TUBD1: variants seen among roughly 807,000 people sequenced by gnomAD.
The protein encoded by TUBD1 is tubulin delta chain.
In TUBD1, 38 loss-of-function variants were observed where a neutral mutation model predicts 51.2. The ratio of observed to expected loss-of-function variants is 0.74; its 90% CI spans 0.57 to 0.97. The LOEUF is 0.97. Among genes scored for constraint, TUBD1 ranks in the 50% least tolerant of loss-of-function variants. The pLI is 0.00. For synonymous variants in TUBD1, 169 were observed against 178.2 expected (o/e 0.95, Z 0.41); for missense variants, 489 against 538.4 (o/e 0.91, Z 0.91).
intron 6 of TUBD1, among the ~76,000 whole-genome samples, chr17:59,873,488 C>T (rs1321174279): frequency 3.3e-5 from 5 of 152,072 alleles, no homozygotes; most frequent in South Asian, 2.1e-4. Context: ...TGGGCTCAAG[C>T]GCTTCTCCTG....
At position 59,874,407 on chromosome 17, in the gene TUBD1, A is replaced by G. The variant is rs2040133958; in HGVS notation, c.934+132T>C. 6.6e-6 allele frequency: 5 copies of G among 760,184 alleles called. No individual in the cohort carries two copies. In the Admixed American group the frequency reaches 8.3e-5, roughly 13 times the overall value. 47.1% of individuals were successfully genotyped at this position (760,184 alleles called of 1,614,324 possible). ...GAAACCCTCCTAAGATGTCCTGGTG[A>G]GTTTCTGCCGGAGTCTCTCTAGCCA... On this transcript the variant is annotated intron_variant, in intron 6 of 8. Transcript: ENST00000325752.
chr17:59,879,113 C>T (rs2040362715), intron 4 of TUBD1, among the ~76,000 whole-genome samples: 1 of 151,940 alleles, frequency 6.6e-6, no homozygotes, highest in African/African-American at 2.4e-5. Flanking sequence ...CCCACCTCTA[C>T]TAAAAATACA....
At chr17:59,889,418 G>A (rs2040883925) in intron 2 of TUBD1, among the ~76,000 whole-genome samples, 1 of 151,360 alleles carries the variant, frequency 6.6e-6, no homozygotes, top group Non-Finnish European at 1.5e-5. Context: ...TGTAATCCCA[G>A]CACTTTGGGA....
At chr17:59,864,305 C>CT (rs1288500212) in intron 7 of TUBD1, among the ~76,000 whole-genome samples, 1 of 151,282 alleles carries the variant, frequency 6.6e-6, no homozygotes, top group Non-Finnish European at 1.5e-5. Context: ...GCCACCATGC[C>CT]TGCCTAATTG....
chr17:59,885,824 G>T (rs1188524691), intron 3 of TUBD1, among the ~76,000 whole-genome samples: 2 of 152,140 alleles, frequency 1.3e-5, no homozygotes, highest in Admixed American at 6.6e-5. Context: ...CATTACATTG[G>T]TAAGTTAGTT....
Position 59,860,364 on chromosome 17 carries a change from GAA to G in TUBD1, c.1318_1319del (p.Phe440HisfsTer12). On this transcript the variant is annotated frameshift_variant, in exon 9 of 9. Transcript: ENST00000325752. LOFTEE classifies it high-confidence loss of function. ...TGGCAACAACCTGCTCTAATGACGT[GAA>G]ACTGTCTAAAAAGTCCTCTTCTTCG... ...GIEEEDFLDS[F>X]TSLEQVVASY... is the part of the protein sequence containing the mutation. The G allele has an allele frequency of 6.2e-7, 1 of 1,609,382 alleles. No homozygotes were observed. The highest frequency in any genetic ancestry group is 1.1e-5 in the South Asian group (1 of 90,966).
intron 4 of TUBD1, 135 bp from the exon 5 acceptor site, chr17:59,878,469 T>A (rs2040326939): frequency 3.2e-6 from 2 of 622,686 alleles, no homozygotes; most frequent in African/African-American, 1.9e-5. Context: ...ACAAGTTTTT[T>A]AATCTCTATG....
chr17:59,866,355 C>T (rs1328053717), intron 7 of TUBD1, among the ~76,000 whole-genome samples: 1 of 151,752 alleles, frequency 6.6e-6, no homozygotes, highest in African/African-American at 2.4e-5. Flanking sequence ...CTGCCTCAGC[C>T]TCCCAAGTAA....
chr17:59,885,890 A>T (rs2040698996), intron 3 of TUBD1, among the ~76,000 whole-genome samples, 193 bp downstream of exon 3: 2 of 152,242 alleles, frequency 1.3e-5, no homozygotes, highest in African/African-American at 2.4e-5. Context: ...CTTCATTTCA[A>T]CATTACCTGT....
chr17:59,885,167 C>T (rs2040663243), intron 3 of TUBD1: 3 of 385,952 alleles, frequency 7.8e-6, no homozygotes, highest in African/African-American at 4.2e-5. Flanking sequence ...AGGCCACTGC[C>T]CTCAAGAAGT....
intron 4 of TUBD1, 153 bp from the exon 5 acceptor site, chr17:59,878,487 T>TC: frequency 1.4e-5 from 8 of 568,702 alleles, no homozygotes; most frequent in East Asian, 1.2e-4. Context: ...ATGCTCAGTT[T>TC]CCTTTTTTTT....
chr17:59,890,561 A>T (rs532538266), intron 2 of TUBD1, among the ~76,000 whole-genome samples: 21 of 152,286 alleles, frequency 1.4e-4, no homozygotes, highest in African/African-American at 4.8e-4. Flanking sequence ...CTCTTTTGAG[A>T]ATCTTAGATG....
intron 8 of TUBD1, among the ~76,000 whole-genome samples, chr17:59,861,834 T>A (rs1414262416): frequency 5.9e-4 from 88 of 149,636 alleles, no homozygotes; most frequent in African/African-American, 1.9e-3. Flanking sequence ...CGCCCAGCTG[T>A]TTTTTGTGTT....
chr17:59,881,818 C>T (rs887358440), intron 3 of TUBD1, among the ~76,000 whole-genome samples: 3 of 151,922 alleles, frequency 2.0e-5, no homozygotes, highest in Non-Finnish European at 2.9e-5. Context: ...TACAGATGCC[C>T]GAACCACACC....
Position 59,891,032 on chromosome 17 carries a change from TA to T in TUBD1, c.-31del. 9 of 1,575,630 alleles carry T rather than the reference TA, an allele frequency of 5.7e-6. No homozygotes were observed. The highest frequency in any genetic ancestry group is 7.7e-6 in the Non-Finnish European group (9 of 1,162,168). ...AGCCACAAACTAGGTGTATTACCTC[TA>T]AAAACAACCTGTAATCGAAAAAAAT... On this transcript the variant is annotated 5_prime_UTR_variant, in exon 2 of 9. The change creates a premature stop within an existing upstream ORF in the 5' untranslated region. Transcript: ENST00000325752.
chr17:59,872,182 G>A (rs531313062), intron 6 of TUBD1, among the ~76,000 whole-genome samples: 2 of 152,168 alleles, frequency 1.3e-5, no homozygotes, highest in East Asian at 1.9e-4. Context: ...GGATGGTCTC[G>A]ATCTTCTGAA....
Position 59,874,674 on chromosome 17 carries a change from G to T in TUBD1, c.799C>A (p.Pro267Thr), listed in dbSNP as rs1280943212. Residue 267 changes from proline to threonine, a missense_variant, in exon 6 of 9, where the codon CCT (proline) becomes ACT (threonine). Pro to Thr is a conservative substitution (Grantham distance 38, BLOSUM62 -1). Transcript: ENST00000325752. ...GDLMEHLVPH[P>T]EFKMLSVRNI... ...CGAACACTCAGCATCTTGAATTCAG[G>T]ATGGGGAACTAAATGCTCCATTAAG... 1.9e-6 allele frequency: 3 copies of T among 1,612,352 alleles called. No individual in the cohort carries two copies. Among genetic ancestry groups the T allele is most frequent in the South Asian group, 2.2e-5 (2 of 90,542 alleles).
In TUBD1 at chr17:59,859,561, C is replaced by G. The variant is rs983958240; in HGVS notation, c.*761G>C. 2 of 152,554 alleles carry G rather than the reference C, an allele frequency of 1.3e-5. No homozygotes were observed. The highest frequency in any genetic ancestry group is 1.5e-5 in the Non-Finnish European group (1 of 68,038). The allele number at this position is 152,554 out of a possible 1,614,324, so 9.5% of individuals were successfully genotyped here. A position where few individuals can be genotyped will look rare whatever the true frequency, so the allele number is the denominator to read the frequency against. On this transcript the variant is annotated 3_prime_UTR_variant, in exon 9 of 9. Transcript: ENST00000325752. ...AATAGCTGCTTAGAGTGGAAACTTG[C>G]CCTGTTACAGAATATTCAAAATACA...
chr17:59,889,193 T>C (rs2040871435), intron 2 of TUBD1, among the ~76,000 whole-genome samples: 1 of 150,624 alleles, frequency 6.6e-6, no homozygotes, highest in African/African-American at 2.4e-5. Context: ...TTTGTATTTT[T>C]AGTCGAGACG....
Sources: gnomAD v4.1 joint callset for allele counts (sites outside exome capture counted in the v4.1 genomes callset) on GRCh38, gnomAD v4.1.1 for gene constraint, MANE v1.5 for transcripts, NCBI Gene and HGNC (gene_info 2026-07-23, HGNC 2026-07-21) for gene names.